Variants in ANKMY1 observed in about 807,000 individuals in gnomAD.
ANKMY1 encodes the protein ankyrin repeat and MYND domain containing 1, also known as ankyrin repeat and MYND domain-containing protein 1.
Under a neutral mutation model 102.0 loss-of-function variants are expected in ANKMY1, and 98 were observed. The ratio of observed to expected loss-of-function variants is 0.96; its 90% CI spans 0.82 to 1.14. ANKMY1 has a LOEUF of 1.14. Among genes scored for constraint, ANKMY1 ranks in the 50% most tolerant of loss-of-function variants. The probability of loss-of-function intolerance (pLI) is 0.00; values close to 1 mark genes in which losing one functional copy is unlikely to be tolerated. For missense variants in ANKMY1, 1,330 were observed against 1,347.6 expected (o/e 0.99, Z 0.20); for synonymous variants, 582 against 559.9 (o/e 1.04, Z -0.56).
intron 16 of ANKMY1, among the ~76,000 whole-genome samples, chr2:240,481,323 G>A (rs1460105569): frequency 6.6e-6 from 1 of 152,222 alleles, no homozygotes; most frequent in South Asian, 2.1e-4. Flanking sequence ...AACACATTCC[G>A]AGCTCTGGGA....
intron 7 of ANKMY1, among the ~76,000 whole-genome samples, chr2:240,524,614 T>C (rs1160140802): frequency 6.6e-6 from 1 of 152,218 alleles, no homozygotes; most frequent in Non-Finnish European, 1.5e-5. Context: ...CATGGCCCTA[T>C]ACATGGCTGC....
the ANKMY1 span, among the ~76,000 whole-genome samples, chr2:240,469,639 CG>C: frequency 0.59 from 90,276 of 151,932 alleles, 27,139 homozygotes; most frequent in African/African-American, 0.66. Context: ...ACCCATCACA[CG>C]GTGCACACAC....
In ANKMY1 at chr2:240,524,124, A is replaced by G. The variant is rs2082873757; in HGVS notation, c.1593T>C (p.Leu531=). ...KGDSPLVKGS[L]GHVESGLEDV... is the part of the protein sequence containing the mutation. ...CCTCAAGCCCGCTTTCCACATGGCC[A>G]AGGCTGCCCTTCACCAACGGGGAGT... Residue 531 remains leucine, a synonymous_variant, in exon 8 of 18, where the codon CTT becomes CTC. Coordinates refer to ENST00000401804, the MANE Select transcript of ANKMY1 (RefSeq NM_001282771.3). The G allele has an allele frequency of 6.2e-7, 1 of 1,613,914 alleles. No individual in the cohort carries two copies. The highest frequency in any genetic ancestry group is 1.3e-5 in the African/African-American group (1 of 74,916).
intron 7 of ANKMY1, 100 bp from the exon 8 acceptor site, chr2:240,524,481 G>C (rs1049749927): frequency 1.8e-5 from 24 of 1,344,612 alleles, no homozygotes; most frequent in Non-Finnish European, 2.3e-5. Context: ...GCCTAGAGCT[G>C]TCTTCAAAGC....
intron 9 of ANKMY1, among the ~76,000 whole-genome samples, chr2:240,519,496 C>T (rs1393957264): frequency 6.6e-6 from 1 of 152,146 alleles, no homozygotes; most frequent in Non-Finnish European, 1.5e-5. Flanking sequence ...GACGGAGCTG[C>T]GAGAGAAGCC....
At chr2:240,507,495 A>C (rs1575024664) in intron 13 of ANKMY1, 65 bp downstream of exon 13, 7 of 1,422,244 alleles carry the variant, frequency 4.9e-6, no homozygotes, top group African/African-American at 1.7e-5. Flanking sequence ...CACACCCCTC[A>C]CTCAGGGCCA....
At chr2:240,470,764 C>T in the ANKMY1 span, among the ~76,000 whole-genome samples, 5,522 of 152,284 alleles carry the variant, frequency 0.036, 283 homozygotes, top group East Asian at 0.19. Flanking sequence ...ACACAGTAGA[C>T]TCAGCTAAAA....
intron 6 of ANKMY1, 169 bp downstream of exon 6, chr2:240,526,060 C>T (rs2083322081): frequency 2.0e-6 from 2 of 981,758 alleles, no homozygotes; most frequent in Non-Finnish European, 3.0e-6. Context: ...ACGAGTGTCA[C>T]ACTCAGCTGA....
chr2:240,477,978 A>G (rs1306565120), downstream of ANKMY1, among the ~76,000 whole-genome samples: 1 of 152,072 alleles, frequency 6.6e-6, no homozygotes, highest in Non-Finnish European at 1.5e-5. Flanking sequence ...CCCAAATCTC[A>G]TGTTAAATTG....
At chr2:240,538,705 G>C (rs185931076) in intron 4 of ANKMY1, among the ~76,000 whole-genome samples, 1 of 152,136 alleles carries the variant, frequency 6.6e-6, no homozygotes, top group Admixed American at 6.5e-5. Flanking sequence ...CCTGGCGTGC[G>C]ATCCACTAGG....
At chr2:240,549,815 G>A (rs1345400220) in intron 4 of ANKMY1, among the ~76,000 whole-genome samples, 2 of 152,124 alleles carry the variant, frequency 1.3e-5, no homozygotes. Flanking sequence ...ACCACAATGA[G>A]ATACCATCTC....
intron 4 of ANKMY1, among the ~76,000 whole-genome samples, chr2:240,539,106 G>A (rs1333275496): frequency 1.3e-5 from 2 of 152,178 alleles, no homozygotes; most frequent in East Asian, 1.9e-4. Context: ...GCAGCCAGTG[G>A]CAACCCACTG....
At chr2:240,472,143 C>T in the ANKMY1 span, among the ~76,000 whole-genome samples, 1 of 148,880 alleles carries the variant, frequency 6.7e-6, no homozygotes, top group African/African-American at 2.6e-5. Flanking sequence ...CATCCTTCCC[C>T]AGTCACAGTC....
At chr2:240,469,067 G>A in the ANKMY1 span, among the ~76,000 whole-genome samples, 1 of 152,288 alleles carries the variant, frequency 6.6e-6, no homozygotes, top group South Asian at 2.1e-4. Context: ...GGCCCCTAGG[G>A]GACAGGTGAG....
intron 13 of ANKMY1, among the ~76,000 whole-genome samples, chr2:240,501,846 GC>G (rs1434637445): frequency 6.6e-6 from 1 of 152,220 alleles, no homozygotes; most frequent in Non-Finnish European, 1.5e-5. Flanking sequence ...GCCAGGCAAG[GC>G]CTACGCCAGG....
In ANKMY1 at chr2:240,520,457, G is replaced by A. The variant is rs767393150; in HGVS notation, c.1909C>T (p.Gln637Ter). 1.2e-6 allele frequency: 2 copies of A among 1,613,424 alleles called. No individual in the cohort carries two copies. Among genetic ancestry groups the A allele is most frequent in the South Asian group, 2.2e-5 (2 of 91,032 alleles). ...ADPNLCCVPM[Q>*]VLFLAVKAGD... is the part of the protein sequence containing the mutation. ...GCCTTCACAGCAAGGAACAGGACCT[G>A]CATGGGCACGCAGCACAGGTTGGGG... The change falls in exon 9 of 18, where the codon CAG becomes TAG. Residue 637 changes from glutamine to a stop codon, truncating the protein, a stop_gained. Transcript: ENST00000401804. LOFTEE classifies it high-confidence loss of function. The surrounding 1 kb of genome is among the most constrained non-coding windows in gnomAD (Gnocchi z 4.8).
At chr2:240,494,249 A>G (rs1235237513) in intron 15 of ANKMY1, among the ~76,000 whole-genome samples, 1 of 152,114 alleles carries the variant, frequency 6.6e-6, no homozygotes, top group Admixed American at 6.5e-5. Flanking sequence ...AGGCTCTGCT[A>G]CTGGAGAGGG....
intron 10 of ANKMY1, among the ~76,000 whole-genome samples, chr2:240,512,521 G>C (rs1002479767): frequency 1.1e-4 from 16 of 152,152 alleles, no homozygotes; most frequent in Non-Finnish European, 1.9e-4. Context: ...GGAGTTACCT[G>C]CAAAAGGTCC....
At position 240,538,245 on chromosome 2, in the gene ANKMY1, G is replaced by A. The variant is rs544699998; in HGVS notation, c.481-8736C>T. 2.0e-5 allele frequency among the ~76,000 whole-genome samples: 3 copies of A among 152,154 alleles called. No individual in the cohort carries two copies. In the South Asian group the frequency reaches 6.2e-4, roughly 32 times the overall value. On this transcript the variant is annotated intron_variant, in intron 4 of 17. Coordinates refer to ENST00000401804, the MANE Select transcript of ANKMY1 (RefSeq NM_001282771.3). The stretch of plus-strand genomic sequence containing the variant: ...CCCCTCTCTGGGGCTGGCCGAGGCC[G>A]GAGCCGGCTCCCTCTGCTTGCAGGG...
Sources: gnomAD v4.1 joint callset for allele counts (sites outside exome capture counted in the v4.1 genomes callset) on GRCh38, gnomAD v4.1.1 for gene constraint, Gnocchi (gnomAD v3.1) non-coding constraint, MANE v1.5 for transcripts, NCBI Gene and HGNC (gene_info 2026-07-23, HGNC 2026-07-21) for gene names.